The following SNX8 variants were observed in gnomAD, a reference collection of about 807,000 sequenced individuals.
SNX8 encodes the protein sorting nexin 8, also known as sorting nexin-8.
A neutral mutation model predicts 51.6 loss-of-function variants in SNX8; 25 were observed. The observed-to-expected ratio is 0.48, with a 90% confidence interval of 0.35 to 0.68. The LOEUF is 0.68. Ranked by LOEUF, SNX8 falls within the 30% of genes least tolerant of loss-of-function variation. SNX8 has a pLI of 0.00. For synonymous variants in SNX8, 324 were observed against 277.0 expected (o/e 1.17, Z -1.68); for missense variants, 695 against 624.0 (o/e 1.11, Z -1.21).
intron 1 of SNX8, among the ~76,000 whole-genome samples, chr7:2,304,609 T>A (rs993006954): frequency 6.6e-5 from 10 of 151,592 alleles, no homozygotes; most frequent in African/African-American, 2.4e-4. Context: ...CCTCACTGAG[T>A]AGCCCACCTT....
intron 1 of SNX8, among the ~76,000 whole-genome samples, chr7:2,311,708 C>T (rs937841922): frequency 6.6e-6 from 1 of 151,996 alleles, no homozygotes; most frequent in African/African-American, 2.4e-5. Context: ...GAGGCCGAGG[C>T]GGCTAGATCA....
At position 2,257,419 on chromosome 7, in the gene SNX8, G is replaced by A. The variant is rs1478812797; in HGVS notation, c.1080C>T (p.Thr360=). Residue 360 remains threonine (T), a synonymous_variant, in exon 9 of 11, where the codon ACC becomes ACT. Transcript: ENST00000222990. ...SLMKRQMMSA[T]AQNREPESVE... ...CGGACTCCGGCTCGCGGTTCTGCGC[G>A]GTGGCGCTCATCATCTGCCTCTTCA... 1.9e-6 allele frequency: 3 copies of A among 1,610,710 alleles called. No individual in the cohort carries two copies. Among genetic ancestry groups the A allele is most frequent in the Non-Finnish European group, 2.5e-6 (3 of 1,179,444 alleles).
rs142866046 is a variant in SNX8 at position 2,332,929 on chromosome 7, G to C, written c.-66+21293C>G. ...AAAAAAGGGAAAGAAAGGAGAGAGA[G>C]AGGGAACAAACTTGGAGAATTCTTA... On this transcript the variant is annotated intron_variant, in intron 1 of 5. Transcript: ENST00000435336. Among the ~76,000 whole-genome samples the C allele has an allele frequency of 2.1e-3, 320 of 151,982 alleles. 1 individual carries two copies. The highest frequency in any genetic ancestry group is 7.2e-3 in the African/African-American group (300 of 41,484).
upstream of SNX8, among the ~76,000 whole-genome samples, chr7:2,318,756 A>T (rs187486506): frequency 6.6e-6 from 1 of 152,022 alleles, no homozygotes; most frequent in East Asian, 1.9e-4. Context: ...ACATGCCTGT[A>T]ATTCCAACAC....
chr7:2,304,830 G>A lies in SNX8; in HGVS notation c.94+9498C>T, dbSNP rs75722420. 3.4e-3 allele frequency among the ~76,000 whole-genome samples: 518 copies of A among 152,198 alleles called. 1 individual carries two copies. Among genetic ancestry groups the A allele is most frequent in the African/African-American group, 0.012 (490 of 41,526 alleles). Reference sequence around the variant, plus strand: ...CAAATCTCCTTTTGGTGCAAAACACGGGCACTAAGTGGCCGGTTCTTGAAA... The same window carrying A: ...CAAATCTCCTTTTGGTGCAAAACACAGGCACTAAGTGGCCGGTTCTTGAAA... On this transcript the variant is annotated intron_variant, in intron 1 of 10. Transcript: ENST00000222990.
intron 1 of SNX8, among the ~76,000 whole-genome samples, chr7:2,289,793 C>A (rs904015512): frequency 2.6e-5 from 4 of 152,202 alleles, no homozygotes; most frequent in Non-Finnish European, 5.9e-5. Flanking sequence ...CACCGTGGCA[C>A]GCACCTATAG....
Position 2,272,771 on chromosome 7 carries a change from A to G in SNX8, c.419-800T>C, listed in dbSNP as rs539486860. Among the ~76,000 whole-genome samples the G allele has an allele frequency of 7.3e-4, 111 of 152,348 alleles. 1 individual carries two copies. Among genetic ancestry groups the G allele is most frequent in the African/African-American group, 2.5e-3 (105 of 41,590 alleles). ...TTAAATATTTTCACTCCAAGGGGAA[A>G]AAAAGTAAAAGCATATACTGATGCA... On this transcript the variant is annotated intron_variant, in intron 3 of 10. Coordinates refer to ENST00000222990, the MANE Select transcript of SNX8 (RefSeq NM_013321.4).
chr7:2,252,867 CTGCTCTCTCACCCCTGCCCCCT>C lies in SNX8; in HGVS notation c.*2167_*2188del, dbSNP rs534129229. 393 of 105,864 alleles carry C rather than the reference CTGCTCTCTCACCCCTGCCCCCT, an allele frequency of 3.7e-3. 5 individuals are homozygous for C. The highest frequency in any genetic ancestry group is 6.8e-3 in the South Asian group (23 of 3,364). The allele number at this position is 105,864 out of a possible 1,614,324, so 6.6% of individuals were successfully genotyped here. A position where few individuals can be genotyped will look rare whatever the true frequency, so the allele number is the denominator to read the frequency against. On this transcript the variant is annotated 3_prime_UTR_variant, in exon 11 of 11. Coordinates refer to ENST00000222990, the MANE Select transcript of SNX8 (RefSeq NM_013321.4). ...TCCTGCTCTCCTCACCCCTGCTCTCCTGCTCTCTCACCCCTGCCCCCTTGCTCTCTCACCCCTGCCCTCCTGT... is the reference window on the plus strand; with the variant it reads ...TCCTGCTCTCCTCACCCCTGCTCTCCTGCTCTCTCACCCCTGCCCTCCTGT...
At chr7:2,314,627 C>G (rs2115215557), upstream of SNX8, among the ~76,000 whole-genome samples, 1 of 152,278 alleles carries the variant, frequency 6.6e-6, no homozygotes, top group South Asian at 2.1e-4. Context: ...CATGCCCCTC[C>G]CCGTCCACGT....
At chr7:2,278,338 T>C (rs776936972) in intron 1 of SNX8, 33 bp from the exon 2 acceptor site, 1 of 1,350,654 alleles carries the variant, frequency 7.4e-7, no homozygotes, top group Admixed American at 2.1e-5. Flanking sequence ...CCAGTGAGAA[T>C]AGCTGCTCAA....
At chr7:2,309,403 G>A (rs980279716) in intron 1 of SNX8, among the ~76,000 whole-genome samples, 4 of 152,176 alleles carry the variant, frequency 2.6e-5, no homozygotes, top group Non-Finnish European at 5.9e-5. Context: ...GCACACGCCT[G>A]TAATCCCAGC....
intron 1 of SNX8, among the ~76,000 whole-genome samples, chr7:2,321,727 T>C (rs1474583728): frequency 2.2e-4 from 32 of 144,870 alleles, no homozygotes; most frequent in Admixed American, 9.7e-4. Flanking sequence ...TTTTTTTTTT[T>C]TTTTTTGAGA....
At chr7:2,284,554 A>G (rs895260157) in intron 1 of SNX8, among the ~76,000 whole-genome samples, 1 of 151,262 alleles carries the variant, frequency 6.6e-6, no homozygotes. Flanking sequence ...ACAGGTGCAC[A>G]CCACCATGCC....
chr7:2,349,080 T>A (rs537395528), intron 1 of SNX8, among the ~76,000 whole-genome samples: 2 of 151,162 alleles, frequency 1.3e-5, no homozygotes, highest in African/African-American at 4.9e-5. Context: ...GGCTTACACC[T>A]GCAATACCAG....
At chr7:2,275,582 G>T (rs1795760069) in intron 2 of SNX8, among the ~76,000 whole-genome samples, 1 of 152,104 alleles carries the variant, frequency 6.6e-6, no homozygotes, top group Non-Finnish European at 1.5e-5. Context: ...GGCGGCTGTA[G>T]TCCCAGCTAC....
chr7:2,320,626 A>C (rs1027396287), intron 1 of SNX8, among the ~76,000 whole-genome samples: 1 of 152,008 alleles, frequency 6.6e-6, no homozygotes, highest in African/African-American at 2.4e-5. Context: ...CGAAAGGCTG[A>C]GGTAGGAGGA....
At chr7:2,270,938 G>A (rs977894446) in intron 4 of SNX8, among the ~76,000 whole-genome samples, 4 of 152,224 alleles carry the variant, frequency 2.6e-5, no homozygotes, top group African/African-American at 9.6e-5. Context: ...TCCCCGCACA[G>A]GGAGAGGGTC....
At chr7:2,325,358 GGTT>G (rs1248200102) in intron 1 of SNX8, among the ~76,000 whole-genome samples, 1 of 152,128 alleles carries the variant, frequency 6.6e-6, no homozygotes, top group Non-Finnish European at 1.5e-5. Flanking sequence ...TCCTGGAATT[GGTT>G]GTTACTAGAA....
intron 1 of SNX8, chr7:2,310,005 G>C (rs542508163): frequency 2.6e-6 from 1 of 391,146 alleles, no homozygotes; most frequent in African/African-American, 2.1e-5. Context: ...GAACCGAATG[G>C]AATGTATGGA....
Sources: allele counts gnomAD v4.1 joint callset (sites outside exome capture counted in the v4.1 genomes callset), GRCh38; gene constraint gnomAD v4.1.1; transcripts MANE v1.5; gene names NCBI Gene and HGNC (gene_info 2026-07-23, HGNC 2026-07-21).